WNT5A: variants seen among roughly 807,000 people sequenced by gnomAD.
WNT5A encodes Wnt family member 5A.
Under a neutral mutation model 42.1 loss-of-function variants are expected in WNT5A, and 9 were observed. The observed-to-expected ratio is 0.21, with a 90% confidence interval of 0.13 to 0.37. WNT5A has a LOEUF of 0.37. Ranked by LOEUF, WNT5A falls within the 10% of genes least tolerant of loss-of-function variation. The probability of loss-of-function intolerance (pLI) is 1.00; values close to 1 mark genes in which losing one functional copy is unlikely to be tolerated. For missense variants in WNT5A, 426 were observed against 534.0 expected (o/e 0.80, Z 1.99); for synonymous variants, 210 against 210.0 (o/e 1.00, Z 0.00).
rs1226230419 is a variant in WNT5A at position 55,468,318 on chromosome 3, A to C, written c.*1774T>G. On this transcript the variant is annotated 3_prime_UTR_variant, in exon 5 of 5. Coordinates refer to ENST00000264634, the MANE Select transcript of WNT5A (RefSeq NM_003392.7). ...TCTCTTAACGTCCATGTCTATAACGAACAAGTAATGCCCTCTCCACAAAGT... is the reference window on the plus strand; with the variant it reads ...TCTCTTAACGTCCATGTCTATAACGCACAAGTAATGCCCTCTCCACAAAGT... 4 of 152,202 alleles carry C rather than the reference A, an allele frequency of 2.6e-5. No individual in the cohort carries two copies. The highest frequency in any genetic ancestry group is 9.7e-5 in the African/African-American group (4 of 41,442). 9.4% of individuals were successfully genotyped at this position (152,202 alleles called of 1,614,324 possible).
At position 55,466,087 on chromosome 3, in the gene WNT5A, C is replaced by T. The variant is rs993878740; in HGVS notation, c.*4005G>A. 1 of 152,118 alleles carries T rather than the reference C, an allele frequency of 6.6e-6. No individual in the cohort carries two copies. Among genetic ancestry groups the T allele is most frequent in the African/African-American group, 2.4e-5 (1 of 41,434 alleles). The allele number at this position is 152,118 out of a possible 1,614,324, so 9.4% of individuals were successfully genotyped here. ...TTAATTCCTATGTTTCTGAATGTTTCTTGAATTAAAAATTCATTTCATCAT... is the reference window on the plus strand; with the variant it reads ...TTAATTCCTATGTTTCTGAATGTTTTTTGAATTAAAAATTCATTTCATCAT... On this transcript the variant is annotated 3_prime_UTR_variant, in exon 5 of 5. Coordinates refer to ENST00000264634, the MANE Select transcript of WNT5A (RefSeq NM_003392.7).
chr3:55,485,658 A>C (rs1176224196), intron 1 of WNT5A, among the ~76,000 whole-genome samples: 1 of 102,866 alleles, frequency 9.7e-6, no homozygotes, highest in Non-Finnish European at 2.0e-5. Context: ...GAATGTGCGA[A>C]GGTGGCTGGG....
At chr3:55,500,852 G>C in the WNT5A span, among the ~76,000 whole-genome samples, 2 of 152,172 alleles carry the variant, frequency 1.3e-5, no homozygotes, top group Non-Finnish European at 2.9e-5. Context: ...GTTATAAAGA[G>C]GGAAAGAACA....
At position 55,465,883 on chromosome 3, in the gene WNT5A, T is replaced by C. The variant is rs1460259785; in HGVS notation, c.*4209A>G. The C allele has an allele frequency of 6.6e-6, 1 of 152,184 alleles. No individual in the cohort carries two copies. The highest frequency in any genetic ancestry group is 1.5e-5 in the Non-Finnish European group (1 of 68,014). 9.4% of individuals were successfully genotyped at this position (152,184 alleles called of 1,614,324 possible). A position where few individuals can be genotyped will look rare whatever the true frequency, so the allele number is the denominator to read the frequency against. On this transcript the variant is annotated 3_prime_UTR_variant, in exon 5 of 5. Coordinates refer to ENST00000264634, the MANE Select transcript of WNT5A (RefSeq NM_003392.7). ...TTAAAATACTGAGACAGCATTTTAA[T>C]TCAATATTCTAGGTTCAAACTGATA...
the WNT5A span, among the ~76,000 whole-genome samples, chr3:55,500,476 G>C: frequency 6.6e-6 from 1 of 152,188 alleles, no homozygotes; most frequent in Non-Finnish European, 1.5e-5. Context: ...AATACGTGCA[G>C]TTACTATTAC....
chr3:55,491,245 T>C (rs1363195545), upstream of WNT5A, among the ~76,000 whole-genome samples: 1 of 152,126 alleles, frequency 6.6e-6, no homozygotes, highest in Non-Finnish European at 1.5e-5. Context: ...CATGATGGTG[T>C]TGATTGGTTT....
Position 55,474,385 on chromosome 3 carries a change from C to A in WNT5A, c.636G>T (p.Glu212Asp). 6.2e-7 allele frequency: 1 copy of A among 1,612,930 alleles called. No homozygotes were observed. Among genetic ancestry groups the A allele is most frequent in the South Asian group, 1.1e-5 (1 of 91,060 alleles). Residue 212 changes from glutamate to aspartate, a missense_variant, in exon 4 of 5, where the codon GAG becomes GAT. Physicochemically the swap from Glu to Asp is conservative, Grantham distance 45 (BLOSUM62 2). Around this residue, in one of 3 missense-constraint regions of WNT5A, gnomAD observed 358 missense variants for 468.1 expected, o/e 0.76. Transcript: ENST00000264634. ...GCAGGTTCATGAGGATGCGAGCACT[C>A]TCGTAGGAGCCCTTGGCGTGGATGC... Reference protein sequence around the residue: ...RERIHAKGSYESARILMNLHN... With the variant: ...RERIHAKGSYDSARILMNLHN...
chr3:55,492,809 A>T (rs560745105), upstream of WNT5A, among the ~76,000 whole-genome samples: 8 of 152,286 alleles, frequency 5.3e-5, no homozygotes, highest in East Asian at 1.3e-3. Flanking sequence ...TGTGAGATAG[A>T]TCGTATTATT....
the WNT5A span, among the ~76,000 whole-genome samples, chr3:55,503,176 G>A: frequency 6.6e-6 from 1 of 152,220 alleles, no homozygotes; most frequent in South Asian, 2.1e-4. Context: ...AAACCCTGAC[G>A]TGGCAAATGG....
chr3:55,477,474 T>C (rs1020953883), intron 3 of WNT5A, among the ~76,000 whole-genome samples: 2 of 152,102 alleles, frequency 1.3e-5, no homozygotes, highest in African/African-American at 4.8e-5. Flanking sequence ...GCTGACTTGA[T>C]GATAGTATCT....
the WNT5A span, among the ~76,000 whole-genome samples, chr3:55,504,568 G>A: frequency 6.6e-5 from 10 of 151,772 alleles, no homozygotes; most frequent in Admixed American, 4.6e-4. Flanking sequence ...GGGTTCAAGC[G>A]ATTCTCCTGC....
At chr3:55,472,879 G>GA (rs2051279158) in intron 4 of WNT5A, among the ~76,000 whole-genome samples, 1 of 152,100 alleles carries the variant, frequency 6.6e-6, no homozygotes, top group Non-Finnish European at 1.5e-5. Flanking sequence ...TAAACCAAAT[G>GA]AAATTGTTAT....
the WNT5A span, among the ~76,000 whole-genome samples, chr3:55,498,937 G>A: frequency 6.6e-6 from 1 of 152,270 alleles, no homozygotes; most frequent in East Asian, 1.9e-4. Context: ...GCCCAGCAAT[G>A]CCAAGAAAAA....
upstream of WNT5A, among the ~76,000 whole-genome samples, chr3:55,494,449 A>G (rs554225339): frequency 3.0e-4 from 45 of 152,368 alleles, 1 homozygote; most frequent in African/African-American, 1.1e-3. Flanking sequence ...ATAAGAGCTC[A>G]TTAGAAAGCA....
At position 55,468,898 on chromosome 3, in the gene WNT5A, A is replaced by G. The variant is rs2051194722; in HGVS notation, c.*1194T>C. 6.6e-6 allele frequency: 1 copy of G among 152,384 alleles called. No individual in the cohort carries two copies. Among genetic ancestry groups the G allele is most frequent in the South Asian group, 2.1e-4 (1 of 4,826 alleles). The allele number at this position is 152,384 out of a possible 1,614,324, so 9.4% of individuals were successfully genotyped here. On this transcript the variant is annotated 3_prime_UTR_variant, in exon 5 of 5. Transcript: ENST00000264634. ...AAACATAGAAAACTACTGCTCCTCAAAATAAAAGTTTTAGGAAACAAAAAT... is the reference window on the plus strand; with the variant it reads ...AAACATAGAAAACTACTGCTCCTCAGAATAAAAGTTTTAGGAAACAAAAAT...
At chr3:55,493,443 C>A (rs2051682764), upstream of WNT5A, among the ~76,000 whole-genome samples, 1 of 152,196 alleles carries the variant, frequency 6.6e-6, no homozygotes, top group Non-Finnish European at 1.5e-5. Context: ...GTCTTTTCCC[C>A]ATGATTCTCT....
At chr3:55,500,401 T>G in the WNT5A span, among the ~76,000 whole-genome samples, 17 of 152,350 alleles carry the variant, frequency 1.1e-4, no homozygotes, top group Admixed American at 9.1e-4. Context: ...AAGCACAAGC[T>G]CTGATGAGTT....
At chr3:55,499,391 C>G in the WNT5A span, among the ~76,000 whole-genome samples, 1 of 152,156 alleles carries the variant, frequency 6.6e-6, no homozygotes, top group Non-Finnish European at 1.5e-5. Flanking sequence ...AGGAGTTTCT[C>G]TTAGAGACAG....
At chr3:55,471,034 G>T (rs2051241127) in intron 4 of WNT5A, among the ~76,000 whole-genome samples, 1 of 152,190 alleles carries the variant, frequency 6.6e-6, no homozygotes, top group Admixed American at 6.5e-5. Context: ...CAGGCAGCTG[G>T]ACTCCAAGCC....
Sources: allele counts gnomAD v4.1 joint callset (sites outside exome capture counted in the v4.1 genomes callset), GRCh38; gene constraint gnomAD v4.1.1; regional missense constraint gnomAD v4.1.1; transcripts MANE v1.5; gene names NCBI Gene and HGNC (gene_info 2026-07-23, HGNC 2026-07-21).